The following CHRM3 variants were observed in gnomAD, a reference collection of about 807,000 sequenced individuals.
The protein encoded by CHRM3 is cholinergic receptor muscarinic 3, also known as muscarinic acetylcholine receptor M3.
Under a neutral mutation model 41.8 loss-of-function variants are expected in CHRM3, and 11 were observed. The observed-to-expected ratio is 0.26, with a 90% CI of 0.17 to 0.44. CHRM3 has a LOEUF of 0.44. Among genes scored for constraint, CHRM3 ranks in the 20% least tolerant of loss-of-function variants. The pLI is 1.00. For missense variants in CHRM3, 571 were observed against 745.4 expected (o/e 0.77, Z 2.72); for synonymous variants, 297 against 301.4 (o/e 0.99, Z 0.15).
At chr1:239,897,483 T>C (rs1001324012) in intron 6 of CHRM3, among the ~76,000 whole-genome samples, 1 of 152,234 alleles carries the variant, frequency 6.6e-6, no homozygotes, top group African/African-American at 2.4e-5. Flanking sequence ...ACAGTTATAT[T>C]AGATCAGCTG....
chr1:239,898,598 T>C lies in CHRM3; in HGVS notation c.-19-8835T>C, dbSNP rs148477546. 3.5e-4 allele frequency among the ~76,000 whole-genome samples: 54 copies of C among 152,322 alleles called. 3 individuals are homozygous for C. The highest frequency in any genetic ancestry group is 1.3e-3 in the African/African-American group (53 of 41,574). Reference sequence around the variant, plus strand: ...CATCACTTAAAAAAATAATTATTATTATAGACGTAGAATTAATTTAGACTT... The same window carrying C: ...CATCACTTAAAAAAATAATTATTATCATAGACGTAGAATTAATTTAGACTT... On this transcript the variant is annotated intron_variant, in intron 6 of 6. Transcript: ENST00000676153.
At chr1:239,511,462 G>C (rs1313054932) in intron 2 of CHRM3, among the ~76,000 whole-genome samples, 1 of 152,090 alleles carries the variant, frequency 6.6e-6, no homozygotes, top group Non-Finnish European at 1.5e-5. Context: ...AGTTTTTAAA[G>C]GATTGAAAAA....
chr1:239,474,021 T>C (rs1022465716), intron 1 of CHRM3, among the ~76,000 whole-genome samples: 25 of 152,162 alleles, frequency 1.6e-4, no homozygotes, highest in African/African-American at 6.0e-4. Context: ...AAAGTGCTAA[T>C]ATTTGAAGGG....
intron 1 of CHRM3, among the ~76,000 whole-genome samples, chr1:239,404,402 AAGAAAGAAAAAG>A (rs1558195515): frequency 0.012 from 744 of 64,122 alleles, 1 homozygote; most frequent in Non-Finnish European, 0.014. Context: ...GAAAGAAAGA[AAGAAAGAAAAAG>A]AAAGAAAGAA....
Position 239,908,025 on chromosome 1 carries a change from G to A in CHRM3, c.574G>A (p.Ala192Thr). 1 of 1,614,158 alleles carries A rather than the reference G, an allele frequency of 6.2e-7. No homozygotes were observed. The highest frequency in any genetic ancestry group is 8.5e-7 in the Non-Finnish European group (1 of 1,180,020). ...GAGAGCCGGTGTGATGATCGGTCTG[G>A]CTTGGGTCATCTCCTTTGTCCTTTG... ...TKRAGVMIGL[A>T]WVISFVLWAP... Residue 192 changes from alanine (A) to threonine (T), a missense_variant, in exon 7 of 7, where the codon GCT becomes ACT. Around this residue, in one of 5 missense-constraint regions of CHRM3, gnomAD observed 153 missense variants for 296.3 expected, o/e 0.52. Coordinates refer to ENST00000676153, the MANE Select transcript of CHRM3 (RefSeq NM_001375978.1). The surrounding 1 kb of genome is among the most constrained non-coding windows in gnomAD (Gnocchi z 7.2).
intron 5 of CHRM3, among the ~76,000 whole-genome samples, chr1:239,688,757 A>T (rs1319241360): frequency 7.3e-6 from 1 of 137,258 alleles, no homozygotes; most frequent in African/African-American, 2.7e-5. Flanking sequence ...ACATTATTCA[A>T]TATAATATAT....
intron 3 of CHRM3, among the ~76,000 whole-genome samples, chr1:239,577,598 T>C (rs548190755): frequency 3.9e-5 from 6 of 152,218 alleles, no homozygotes; most frequent in Admixed American, 6.5e-5. Context: ...TTCTTAACAC[T>C]GTTAACAGGT....
intron 5 of CHRM3, among the ~76,000 whole-genome samples, chr1:239,805,807 T>C (rs954068307): frequency 6.6e-6 from 1 of 152,206 alleles, no homozygotes; most frequent in Non-Finnish European, 1.5e-5. Flanking sequence ...TAAAACACTC[T>C]GCAAAGATTA....
chr1:239,697,730 C>T (rs2148054289), intron 5 of CHRM3, among the ~76,000 whole-genome samples: 1 of 152,246 alleles, frequency 6.6e-6, no homozygotes, highest in Admixed American at 6.5e-5. Context: ...GGCCGAAGAG[C>T]TAAAACCTGT....
intron 1 of CHRM3, among the ~76,000 whole-genome samples, chr1:239,410,691 C>G (rs1045000882): frequency 2.6e-5 from 4 of 152,170 alleles, no homozygotes; most frequent in African/African-American, 9.7e-5. Flanking sequence ...TTCTACACCC[C>G]CTTCCTCCAG....
In CHRM3 at chr1:239,388,204, A is replaced by G. The variant is rs1400693763; in HGVS notation, c.-521+977A>G. Reference sequence around the variant, plus strand: ...CTGCAAGTGTTACTGGAACCTGTCCAAAGGCTGCAAGGATATGTCCCCTCG... The same window carrying G: ...CTGCAAGTGTTACTGGAACCTGTCCGAAGGCTGCAAGGATATGTCCCCTCG... On this transcript the variant is annotated intron_variant, in intron 1 of 6. Coordinates refer to ENST00000676153, the MANE Select transcript of CHRM3 (RefSeq NM_001375978.1). Among the ~76,000 whole-genome samples the G allele has an allele frequency of 2.0e-5, 3 of 152,146 alleles. No individual in the cohort carries two copies. In the East Asian group the frequency reaches 5.8e-4, roughly 29 times the overall value.
chr1:239,730,510 A>G (rs1254475685), intron 5 of CHRM3: 1 of 152,058 alleles, frequency 6.6e-6, no homozygotes, highest in Admixed American at 6.6e-5. Flanking sequence ...ATATTCTATC[A>G]GAGCCTCAAA....
chr1:239,755,703 A>G (rs1666184617), intron 5 of CHRM3, among the ~76,000 whole-genome samples: 1 of 152,222 alleles, frequency 6.6e-6, no homozygotes, highest in Non-Finnish European at 1.5e-5. Context: ...TTTCTGAAGC[A>G]CTGTTGGTTC....
At chr1:239,764,409 G>A (rs1382772279) in intron 5 of CHRM3, among the ~76,000 whole-genome samples, 3 of 152,188 alleles carry the variant, frequency 2.0e-5, no homozygotes, top group Non-Finnish European at 2.9e-5. Flanking sequence ...AAGCTGCATG[G>A]TGAGTGCATA....
chr1:239,656,755 G>T (rs1672757183), intron 4 of CHRM3, among the ~76,000 whole-genome samples: 1 of 152,030 alleles, frequency 6.6e-6, no homozygotes, highest in Non-Finnish European at 1.5e-5. Flanking sequence ...ACTTATACGA[G>T]TTAACAAATA....
At chr1:239,877,223 A>G (rs1677178326) in intron 6 of CHRM3, among the ~76,000 whole-genome samples, 2 of 152,158 alleles carry the variant, frequency 1.3e-5, no homozygotes, top group Admixed American at 1.3e-4. Context: ...TTATTTTGAA[A>G]TATCAAGGCA....
In CHRM3 at chr1:239,495,695, A is replaced by T. The variant is rs141340132; in HGVS notation, c.-422+2888A>T. On this transcript the variant is annotated intron_variant, in intron 2 of 6. Transcript: ENST00000676153. ...ACAGTCAGCTTGGCTTTCCCCTTATAGAATGGGGATGGTAATAACAATTGC... is the reference window on the plus strand; with the variant it reads ...ACAGTCAGCTTGGCTTTCCCCTTATTGAATGGGGATGGTAATAACAATTGC... Among the ~76,000 whole-genome samples the T allele has an allele frequency of 2.6e-3, 403 of 152,278 alleles. 3 individuals are homozygous for T. Among genetic ancestry groups the T allele is most frequent in the African/African-American group, 9.2e-3 (384 of 41,562 alleles).
At chr1:239,504,756 T>C (rs571861902) in intron 2 of CHRM3, among the ~76,000 whole-genome samples, 1 of 152,184 alleles carries the variant, frequency 6.6e-6, no homozygotes, top group Non-Finnish European at 1.5e-5. Flanking sequence ...ATTAATAGCA[T>C]TTGTGGTGAC....
intron 4 of CHRM3, among the ~76,000 whole-genome samples, chr1:239,671,333 T>C (rs1474181222): frequency 6.6e-6 from 1 of 152,158 alleles, no homozygotes; most frequent in African/African-American, 2.4e-5. Flanking sequence ...TCCCAACACC[T>C]TGGGAGACCG....
Sources: gnomAD v4.1 joint callset for allele counts (sites outside exome capture counted in the v4.1 genomes callset) on GRCh38, gnomAD v4.1.1 for gene constraint, gnomAD v4.1.1 regional missense constraint, Gnocchi (gnomAD v3.1) non-coding constraint, MANE v1.5 for transcripts, NCBI Gene and HGNC (gene_info 2026-07-23, HGNC 2026-07-21) for gene names.